The following TENM2 variants were observed in gnomAD, a reference collection of about 807,000 sequenced individuals.
The protein encoded by TENM2 is teneurin transmembrane protein 2.
TENM2 carries 52 observed loss-of-function variants against 245.2 expected under a neutral mutation model. The observed-to-expected ratio is 0.21, with a 90% CI of 0.17 to 0.27. The LOEUF (loss-of-function observed/expected upper bound fraction) is 0.27, where lower values mean the gene tolerates loss of function less well. TENM2 is among the 10% of genes least tolerant of loss of function. The probability of loss-of-function intolerance (pLI) is 1.00; values close to 1 mark genes in which losing one functional copy is unlikely to be tolerated. For synonymous variants in TENM2, 1,363 were observed against 1,438.9 expected (o/e 0.95, Z 1.19); for missense variants, 3,046 against 3,666.8 (o/e 0.83, Z 4.37).
chr5:167,790,861 A>G (rs1764906798), intron 2 of TENM2, among the ~76,000 whole-genome samples: 1 of 152,204 alleles, frequency 6.6e-6, no homozygotes, highest in Non-Finnish European at 1.5e-5. Flanking sequence ...CTTCTCCATC[A>G]AATGCTTTCT....
intron 12 of TENM2, among the ~76,000 whole-genome samples, chr5:168,157,862 T>G (rs1026612880): frequency 6.6e-6 from 1 of 152,018 alleles, no homozygotes; most frequent in African/African-American, 2.4e-5. Context: ...AAGACTTGAG[T>G]TGAAGATTTA....
intron 12 of TENM2, among the ~76,000 whole-genome samples, chr5:168,141,925 G>T (rs919088577): frequency 3.9e-5 from 6 of 152,156 alleles, no homozygotes; most frequent in Non-Finnish European, 7.4e-5. Context: ...CTATTTTGGA[G>T]CGATTGGAGC....
the TENM2 span, among the ~76,000 whole-genome samples, chr5:167,162,344 A>G: frequency 1.3e-5 from 2 of 152,048 alleles, no homozygotes; most frequent in Admixed American, 1.3e-4. Context: ...TTGAAACATA[A>G]AAGCCGGGCA....
At chr5:168,253,726 C>T (rs1581779684) in intron 27 of TENM2, among the ~76,000 whole-genome samples, 1 of 152,128 alleles carries the variant, frequency 6.6e-6, no homozygotes, top group African/African-American at 2.4e-5. Flanking sequence ...CGCCTGGCTA[C>T]GCACTCATTA....
At chr5:167,634,069 C>T (rs887855954) in intron 2 of TENM2, among the ~76,000 whole-genome samples, 1 of 152,066 alleles carries the variant, frequency 6.6e-6, no homozygotes, top group Non-Finnish European at 1.5e-5. Flanking sequence ...AACAAATTTG[C>T]GGCTAAGATG....
intron 10 of TENM2, among the ~76,000 whole-genome samples, chr5:168,119,687 C>T (rs1795335636): frequency 6.6e-6 from 1 of 152,178 alleles, no homozygotes; most frequent in Admixed American, 6.5e-5. Context: ...GCTGAGGCTC[C>T]TTTTCTCTAA....
chr5:168,210,796 G>C (rs1271816163), intron 19 of TENM2, among the ~76,000 whole-genome samples: 1 of 152,090 alleles, frequency 6.6e-6, no homozygotes, highest in Non-Finnish European at 1.5e-5. Context: ...AGGGAAAGAG[G>C]GGTCAGGGGT....
At chr5:167,001,303 G>T in the TENM2 span, among the ~76,000 whole-genome samples, 1 of 152,000 alleles carries the variant, frequency 6.6e-6, no homozygotes, top group African/African-American at 2.4e-5. Flanking sequence ...ACTATCGTGG[G>T]TTACTCTTAT....
intron 19 of TENM2, among the ~76,000 whole-genome samples, chr5:168,210,745 C>T (rs1762744387): frequency 6.6e-6 from 1 of 152,024 alleles, no homozygotes; most frequent in East Asian, 1.9e-4. Flanking sequence ...GGGCATTAAA[C>T]TCTCTTTGTC....
intron 2 of TENM2, among the ~76,000 whole-genome samples, chr5:167,532,795 CA>C (rs1562032616): frequency 7.3e-6 from 1 of 137,278 alleles, no homozygotes; most frequent in Non-Finnish European, 1.5e-5. Flanking sequence ...CACATATACA[CA>C]TATATATTTG....
chr5:167,338,971 T>A (rs1260887513), intron 1 of TENM2, among the ~76,000 whole-genome samples: 1 of 152,198 alleles, frequency 6.6e-6, no homozygotes, highest in Non-Finnish European at 1.5e-5. Context: ...TTTCCAATAG[T>A]CATTTGGGAA....
chr5:167,276,515 G>T, the TENM2 span, among the ~76,000 whole-genome samples: 3 of 151,964 alleles, frequency 2.0e-5, no homozygotes, highest in African/African-American at 7.2e-5. Context: ...TGAGTTTTTT[G>T]AGTTTTTTGA....
Position 167,716,032 on chromosome 5 carries a change from C to T in TENM2, c.503-159954C>T, listed in dbSNP as rs1759233131. On this transcript the variant is annotated intron_variant, in intron 2 of 28. Coordinates refer to ENST00000518659, the Ensembl canonical transcript of TENM2. ...TGGAGTTTGGAGTGAAGGTATAATC[C>T]TTGCAGCCATTGCACAGACCCACAG... Among the ~76,000 whole-genome samples, 4 of 152,246 alleles carry T rather than the reference C, an allele frequency of 2.6e-5. No homozygotes were observed. The South Asian group carries it at 8.3e-4, about 32-fold the overall frequency.
At position 168,162,226 on chromosome 5, in the gene TENM2, A is replaced by C. The variant is rs913598488; in HGVS notation, c.2423-385A>C. ...AATTTTTTCTCTTCTACAGAAGAGC[A>C]CTTCTTAAAAAAAGAGAGAAAGAAA... On this transcript the variant is annotated intron_variant, in intron 12 of 28. Transcript: ENST00000518659. Among the ~76,000 whole-genome samples, 5 of 152,238 alleles carry C rather than the reference A, an allele frequency of 3.3e-5. No individual in the cohort carries two copies. The South Asian group carries it at 1.0e-3, about 32-fold the overall frequency.
the TENM2 span, among the ~76,000 whole-genome samples, chr5:167,060,585 A>G: frequency 1.3e-5 from 2 of 150,062 alleles, no homozygotes; most frequent in African/African-American, 4.9e-5. Flanking sequence ...GGGGAGGTGG[A>G]GATTATAGTG....
chr5:167,434,284 G>C (rs999533028), intron 2 of TENM2, among the ~76,000 whole-genome samples: 1 of 151,578 alleles, frequency 6.6e-6, no homozygotes, highest in Non-Finnish European at 1.5e-5. Flanking sequence ...AGCTGGATAT[G>C]GTGGCAGGTG....
In TENM2 at chr5:167,690,930, TGTGTGTGTGTGTGTGTGTGTGTG is replaced by T. The variant is rs1757393730; in HGVS notation, c.503-185055_503-185033del. 3.4e-5 allele frequency among the ~76,000 whole-genome samples: 3 copies of T among 89,358 alleles called. No individual in the cohort carries two copies. The South Asian group carries it at 1.4e-3, about 40-fold the overall frequency. 58.6% of individuals were successfully genotyped at this position (89,358 alleles called of 152,430 possible). On this transcript the variant is annotated intron_variant, in intron 2 of 28. Transcript: ENST00000518659. ...ATATCCGTATATGCGAGTATGTGTG[TGTGTGTGTGTGTGTGTGTGTGTG>T]TGTGTGTGTGTGTGTGTAGAGAGAG...
chr5:167,374,114 A>G (rs112165341), intron 1 of TENM2, among the ~76,000 whole-genome samples: 6,227 of 152,306 alleles, frequency 0.041, 210 homozygotes, highest in Middle Eastern at 0.058. Context: ...TCAGTGACAC[A>G]TTACATATAC....
chr5:167,183,643 G>C, the TENM2 span, among the ~76,000 whole-genome samples: 1 of 152,098 alleles, frequency 6.6e-6, no homozygotes, highest in Non-Finnish European at 1.5e-5. Context: ...AAAAATAAGA[G>C]ATCAACCAGA....
Sources: gnomAD v4.1 joint callset for allele counts (sites outside exome capture counted in the v4.1 genomes callset) on GRCh38, gnomAD v4.1.1 for gene constraint, MANE v1.5 for transcripts, NCBI Gene and HGNC (gene_info 2026-07-23, HGNC 2026-07-21) for gene names.